The following LINGO2 variants were observed in gnomAD, a reference collection of about 807,000 sequenced individuals.
LINGO2 encodes leucine-rich repeat and immunoglobulin-like domain-containing nogo receptor-interacting protein 2.
Under a neutral mutation model 30.6 loss-of-function variants are expected in LINGO2, and 14 were observed. That is an observed-to-expected ratio of 0.46 (90% CI 0.30 to 0.72). LINGO2 has a LOEUF of 0.72. Ranked by LOEUF, LINGO2 falls within the 30% of genes least tolerant of loss-of-function variation. LINGO2 has a pLI of 0.07. For synonymous variants in LINGO2, 317 were observed against 288.5 expected (o/e 1.10, Z -1.00); for missense variants, 729 against 751.7 (o/e 0.97, Z 0.35).
chr9:28,984,554 C>G, the LINGO2 span, among the ~76,000 whole-genome samples: 2 of 152,090 alleles, frequency 1.3e-5, no homozygotes, highest in South Asian at 4.1e-4. Flanking sequence ...CCATAAATTA[C>G]TATTGTACTG....
intron 1 of LINGO2, among the ~76,000 whole-genome samples, chr9:28,538,414 C>T (rs535721456): frequency 7.1e-4 from 108 of 151,842 alleles, no homozygotes; most frequent in South Asian, 1.9e-3. Flanking sequence ...GATATTCAGT[C>T]GTGACAGACA....
At chr9:28,403,450 C>T (rs1373988049) in intron 2 of LINGO2, among the ~76,000 whole-genome samples, 1 of 152,168 alleles carries the variant, frequency 6.6e-6, no homozygotes, top group Non-Finnish European at 1.5e-5. Flanking sequence ...TCTTCTGGCT[C>T]TTTCTGTTCT....
At chr9:28,084,580 A>T (rs1385421890) in intron 4 of LINGO2, among the ~76,000 whole-genome samples, 1 of 152,116 alleles carries the variant, frequency 6.6e-6, no homozygotes, top group Admixed American at 6.6e-5. Context: ...AGACTTTCTT[A>T]TTCCTATTTA....
At chr9:28,026,983 G>A (rs1466260237) in intron 4 of LINGO2, among the ~76,000 whole-genome samples, 3 of 152,076 alleles carry the variant, frequency 2.0e-5, no homozygotes, top group Admixed American at 6.6e-5. Flanking sequence ...GCTTATTGTA[G>A]TTATCTAATG....
At chr9:28,992,559 ATAT>A in the LINGO2 span, among the ~76,000 whole-genome samples, 6 of 152,278 alleles carry the variant, frequency 3.9e-5, no homozygotes, top group South Asian at 6.2e-4. Flanking sequence ...AACAGAATAT[ATAT>A]TTTTTTCAGC....
At chr9:28,759,862 G>C in the LINGO2 span, among the ~76,000 whole-genome samples, 1 of 151,858 alleles carries the variant, frequency 6.6e-6, no homozygotes, top group Non-Finnish European at 1.5e-5. Flanking sequence ...AAATATAGAA[G>C]AAAAATTAGA....
chr9:27,962,528 T>G (rs1819897619), intron 5 of LINGO2, among the ~76,000 whole-genome samples: 1 of 152,080 alleles, frequency 6.6e-6, no homozygotes, highest in South Asian at 2.1e-4. Flanking sequence ...CAAGGTCCCT[T>G]TACATCTGGA....
At chr9:28,840,338 T>G in the LINGO2 span, among the ~76,000 whole-genome samples, 1 of 151,856 alleles carries the variant, frequency 6.6e-6, no homozygotes, top group Non-Finnish European at 1.5e-5. Flanking sequence ...CAGCAGCTGC[T>G]CCAGTTGGGC....
the LINGO2 span, among the ~76,000 whole-genome samples, chr9:28,713,777 G>T: frequency 3.3e-5 from 5 of 152,040 alleles, no homozygotes; most frequent in Non-Finnish European, 5.9e-5. Context: ...TTCATATCTG[G>T]CATTGACTGG....
chr9:28,093,622 A>T (rs1239779255), intron 4 of LINGO2, among the ~76,000 whole-genome samples: 1 of 152,032 alleles, frequency 6.6e-6, no homozygotes, highest in Admixed American at 6.6e-5. Flanking sequence ...TTTAACCGTC[A>T]AGAAACCCTT....
chr9:28,093,990 A>G (rs910063327), intron 4 of LINGO2, among the ~76,000 whole-genome samples: 9 of 152,096 alleles, frequency 5.9e-5, no homozygotes, highest in African/African-American at 1.9e-4. Flanking sequence ...CCTCCAATAC[A>G]TCTTGGATCT....
intron 3 of LINGO2, among the ~76,000 whole-genome samples, chr9:28,304,137 C>T (rs542797245): frequency 6.6e-6 from 1 of 151,656 alleles, no homozygotes; most frequent in African/African-American, 2.4e-5. Context: ...CTGATGAATT[C>T]TTTTTCTGCT....
At chr9:28,635,976 C>A (rs900847473) in intron 1 of LINGO2, among the ~76,000 whole-genome samples, 2 of 152,062 alleles carry the variant, frequency 1.3e-5, no homozygotes, top group African/African-American at 4.8e-5. Context: ...CCTCCCCACT[C>A]TCCCCACCCC....
intron 1 of LINGO2, chr9:28,598,874 C>T (rs1470912523): frequency 6.6e-6 from 1 of 152,120 alleles, no homozygotes; most frequent in Non-Finnish European, 1.5e-5. Context: ...AGTCTTGAAG[C>T]CCTTATACTA....
At position 28,005,119 on chromosome 9, in the gene LINGO2, C is replaced by G. The variant is rs534873526; in HGVS notation, c.-36+7236G>C. On this transcript the variant is annotated intron_variant, in intron 5 of 5. Coordinates refer to ENST00000379992, the Ensembl canonical transcript of LINGO2. ...CCCTTGGAAAAAGGGAAATAATTAA[C>G]TAGCTTTCCCAGTAACACATGACTC... Among the ~76,000 whole-genome samples the G allele has an allele frequency of 6.6e-5, 10 of 152,256 alleles. No homozygotes were observed. In the East Asian group the frequency reaches 1.7e-3, roughly 26 times the overall value.
intron 1 of LINGO2, among the ~76,000 whole-genome samples, chr9:28,479,911 G>GTATATATATATATATATATATATATATA (rs58972403): frequency 2.0e-5 from 1 of 49,768 alleles, no homozygotes; most frequent in Non-Finnish European, 4.1e-5. Flanking sequence ...ATATACGTAG[G>GTATATATATATATATATATATATATATA]TATATATATA....
chr9:28,893,169 C>T, the LINGO2 span, among the ~76,000 whole-genome samples: 2 of 152,054 alleles, frequency 1.3e-5, no homozygotes, highest in Non-Finnish European at 1.5e-5. Flanking sequence ...AACAGTTTAA[C>T]ATTAATCTCC....
chr9:28,837,273 G>T, the LINGO2 span, among the ~76,000 whole-genome samples: 1 of 152,060 alleles, frequency 6.6e-6, no homozygotes. Context: ...TTGATTTATT[G>T]GTTTATAACA....
the LINGO2 span, among the ~76,000 whole-genome samples, chr9:28,985,995 T>C: frequency 6.6e-6 from 1 of 152,108 alleles, no homozygotes; most frequent in Non-Finnish European, 1.5e-5. Context: ...GATTCTGGTA[T>C]TACAATTAAG....
Sources: gnomAD v4.1 joint callset for allele counts (sites outside exome capture counted in the v4.1 genomes callset) on GRCh38, gnomAD v4.1.1 for gene constraint, MANE v1.5 for transcripts, NCBI Gene and HGNC (gene_info 2026-07-23, HGNC 2026-07-21) for gene names.